The following ZNF723 variants were observed in gnomAD, a reference collection of about 807,000 sequenced individuals.
The protein encoded by ZNF723 is zinc finger protein 723, pseudogene.
ZNF723 carries 5 observed loss-of-function variants against 9.4 expected under a neutral mutation model. The observed-to-expected ratio is 0.53, with a 90% CI of 0.28 to 1.12. The LOEUF (loss-of-function observed/expected upper bound fraction) is 1.12. Ranked by LOEUF, ZNF723 falls within the 50% of genes most tolerant of loss-of-function variation. ZNF723 has a pLI of 0.10. For synonymous variants in ZNF723, 158 were observed against 168.8 expected (o/e 0.94, Z 0.49); for missense variants, 450 against 501.5 (o/e 0.90, Z 0.98).
the ZNF723 span, among the ~76,000 whole-genome samples, chr19:22,814,340 A>G: frequency 6.6e-6 from 1 of 152,236 alleles, no homozygotes; most frequent in Non-Finnish European, 1.5e-5. Context: ...AGGTGAGATT[A>G]TCACACTCAT....
intron 3 of ZNF723, among the ~76,000 whole-genome samples, chr19:22,856,501 T>A (rs1437788622): frequency 6.6e-6 from 1 of 152,204 alleles, no homozygotes; most frequent in African/African-American, 2.4e-5. Flanking sequence ...AACAGGTTCT[T>A]ATGATGTGTC....
chr19:22,857,406 C>A lies in ZNF723; in HGVS notation c.515C>A (p.Ser172Tyr). 4.6e-6 allele frequency: 4 copies of A among 874,406 alleles called. No individual in the cohort carries two copies. The highest frequency in any genetic ancestry group is 1.3e-5 in the South Asian group (1 of 74,702). 54.2% of individuals were successfully genotyped at this position (874,406 alleles called of 1,614,324 possible). Reference sequence around the variant, plus strand: ...AAGATAAGACATACTGGAAATAATTCTTTCAAATGTAAAGAATGTGGCAAA... The same window carrying A: ...AAGATAAGACATACTGGAAATAATTATTTCAAATGTAAAGAATGTGGCAAA... Reference protein sequence around the residue: ...SQKIRHTGNNSFKCKECGKSF... With the variant: ...SQKIRHTGNNYFKCKECGKSF... Residue 172 changes from serine (S) to tyrosine (Y), a missense_variant, in exon 4 of 4, where the codon TCT becomes TAT. Transcript: ENST00000600766.
chr19:22,847,657 A>G (rs1434521876), intron 1 of ZNF723, among the ~76,000 whole-genome samples: 1 of 152,222 alleles, frequency 6.6e-6, no homozygotes, highest in Non-Finnish European at 1.5e-5. Flanking sequence ...TGATGTTAAT[A>G]TAGCACTCAA....
intron 1 of ZNF723, among the ~76,000 whole-genome samples, chr19:22,838,502 A>G (rs749355117): frequency 8.6e-5 from 13 of 151,962 alleles, no homozygotes; most frequent in South Asian, 2.1e-4. Context: ...TGGTGAGCTG[A>G]GATCTAGCCA....
the ZNF723 span, among the ~76,000 whole-genome samples, chr19:22,815,043 A>C: frequency 6.6e-6 from 1 of 152,054 alleles, no homozygotes; most frequent in East Asian, 2.0e-4. Context: ...CAGAGGTATT[A>C]TAATATATCT....
At chr19:22,838,985 G>C (rs183197266) in intron 1 of ZNF723, among the ~76,000 whole-genome samples, 366 of 152,190 alleles carry the variant, frequency 2.4e-3, no homozygotes, top group African/African-American at 8.5e-3. Context: ...TACCTTAGGT[G>C]ATCTGCCCTC....
intron 1 of ZNF723, among the ~76,000 whole-genome samples, chr19:22,843,142 A>G (rs887783172): frequency 1.3e-5 from 2 of 152,184 alleles, no homozygotes; most frequent in Non-Finnish European, 2.9e-5. Flanking sequence ...TAAGAGCTGG[A>G]TAATCAGGAC....
upstream of ZNF723, among the ~76,000 whole-genome samples, chr19:22,831,781 G>A (rs1055035270): frequency 7.9e-5 from 12 of 151,904 alleles, no homozygotes; most frequent in African/African-American, 2.9e-4. Context: ...GGTGGCAGGC[G>A]CCTGTAATCC....
At chr19:22,814,328 A>C in the ZNF723 span, among the ~76,000 whole-genome samples, 1 of 152,238 alleles carries the variant, frequency 6.6e-6, no homozygotes. Flanking sequence ...GGCCAAGCAC[A>C]CAGGTGAGAT....
intron 2 of ZNF723, among the ~76,000 whole-genome samples, 154 bp from the exon 3 acceptor site, chr19:22,849,044 C>T (rs770035644): frequency 2.6e-5 from 4 of 152,116 alleles, no homozygotes; most frequent in East Asian, 3.9e-4. Context: ...CATGAGTCAC[C>T]GCAGCCAGCC....
upstream of ZNF723, among the ~76,000 whole-genome samples, chr19:22,831,920 T>A (rs113011384): frequency 1.1e-3 from 170 of 148,974 alleles, no homozygotes; most frequent in African/African-American, 3.4e-3. Context: ...AAAAAAAAAA[T>A]AATAAATAAA....
At chr19:22,851,215 A>G (rs144826472) in intron 3 of ZNF723, among the ~76,000 whole-genome samples, 1,570 of 152,046 alleles carry the variant, frequency 0.01, 29 homozygotes, top group African/African-American at 0.036. Context: ...TCTGTTGCCT[A>G]GGCTGGAGCG....
rs1041496689 is a variant in ZNF723 at position 22,850,861 on chromosome 19, C to T, written c.226+1568C>T. Among the ~76,000 whole-genome samples the T allele has an allele frequency of 5.3e-5, 8 of 152,028 alleles. No individual in the cohort carries two copies. In the South Asian group the frequency reaches 1.0e-3, roughly 20 times the overall value. ...TTTCACATGCTTTCTACAAATGCAA[C>T]GCAGTCATCCTGAAATATAATGTGA... On this transcript the variant is annotated intron_variant, in intron 3 of 3. Coordinates refer to ENST00000600766, the MANE Select transcript of ZNF723 (RefSeq NM_001349726.2).
At chr19:22,836,040 A>C (rs1230822409) in intron 1 of ZNF723, among the ~76,000 whole-genome samples, 1 of 149,386 alleles carries the variant, frequency 6.7e-6, no homozygotes, top group Non-Finnish European at 1.5e-5. Context: ...TAGATGTTTT[A>C]GTTTTAAAAA....
At chr19:22,849,360 C>T (rs1413590447) in intron 3 of ZNF723, 67 bp downstream of exon 3, 4 of 483,454 alleles carry the variant, frequency 8.3e-6, no homozygotes, top group Non-Finnish European at 1.5e-5. Flanking sequence ...GAAAGCCAGT[C>T]CTTAAAATAG....
At chr19:22,849,675 G>A (rs558819248) in intron 3 of ZNF723, among the ~76,000 whole-genome samples, 7 of 152,260 alleles carry the variant, frequency 4.6e-5, no homozygotes, top group East Asian at 1.9e-4. Flanking sequence ...TTGGGAGGCC[G>A]AGGCGGGTGG....
chr19:22,829,381 G>T (rs1203674371), upstream of ZNF723, among the ~76,000 whole-genome samples: 3 of 151,558 alleles, frequency 2.0e-5, no homozygotes, highest in Non-Finnish European at 4.4e-5. Flanking sequence ...TGCCTCCTGG[G>T]TTCAAGTGAT....
intron 1 of ZNF723, among the ~76,000 whole-genome samples, chr19:22,846,901 A>G (rs11882432): frequency 0.23 from 32,309 of 142,464 alleles, 4,473 homozygotes; most frequent in African/African-American, 0.4. Flanking sequence ...ACTACCCCCA[A>G]CCAGCCTATA....
In ZNF723 at chr19:22,857,451, A is replaced by G; in HGVS notation, c.560A>G (p.His187Arg). 1.0e-6 allele frequency: 1 copy of G among 999,600 alleles called. No individual in the cohort carries two copies. The highest frequency in any genetic ancestry group is 1.6e-6 in the Non-Finnish European group (1 of 627,158). The allele number at this position is 999,600 out of a possible 1,614,324, so 61.9% of individuals were successfully genotyped here. Residue 187 changes from histidine (H) to arginine (R), a missense_variant, in exon 4 of 4, where the codon CAC becomes CGC. By Grantham distance (29) the His-to-Arg change is conservative. This residue lies in a region of ZNF723 where 143 missense variants were observed against 101.3 expected (regional missense o/e 1.41). Transcript: ENST00000600766. The stretch of plus-strand genomic sequence containing the variant: ...GGCAAATCATTTTGCATGCTTTCAC[A>G]CCTAACTAAACATGAAAGAAATCAT... ...ECGKSFCMLS[H>R]LTKHERNHTR...
Sources: gnomAD v4.1 joint callset for allele counts (sites outside exome capture counted in the v4.1 genomes callset) on GRCh38, gnomAD v4.1.1 for gene constraint, gnomAD v4.1.1 regional missense constraint, MANE v1.5 for transcripts, NCBI Gene and HGNC (gene_info 2026-07-23, HGNC 2026-07-21) for gene names.